Variants in MTMR7 observed in about 807,000 individuals in gnomAD.
MTMR7 encodes the protein phosphatidylinositol-3-phosphate phosphatase MTMR7.
Under a neutral mutation model 81.2 loss-of-function variants are expected in MTMR7, and 76 were observed. That is an observed-to-expected ratio of 0.94 (90% confidence interval 0.78 to 1.13). The LOEUF is 1.13. Among genes scored for constraint, MTMR7 ranks in the 50% most tolerant of loss-of-function variants. The pLI is 0.00. For missense variants in MTMR7, 1,044 were observed against 820.0 expected (o/e 1.27, Z -3.34); for synonymous variants, 372 against 289.8 (o/e 1.28, Z -2.88).
chr8:17,368,682 C>CT (rs1206074509), intron 3 of MTMR7, among the ~76,000 whole-genome samples: 5 of 152,174 alleles, frequency 3.3e-5, no homozygotes, highest in Non-Finnish European at 2.9e-5. Context: ...TTAGCAATGC[C>CT]TTTAACATTA....
intron 1 of MTMR7, among the ~76,000 whole-genome samples, chr8:17,387,512 T>G (rs942605386): frequency 1.3e-5 from 2 of 152,232 alleles, no homozygotes; most frequent in African/African-American, 4.8e-5. Flanking sequence ...TTATGTTGGT[T>G]GCAGAGAAAG....
intron 5 of MTMR7, among the ~76,000 whole-genome samples, chr8:17,345,776 T>C (rs1433520754): frequency 6.6e-6 from 1 of 152,234 alleles, no homozygotes; most frequent in Non-Finnish European, 1.5e-5. Context: ...CACTTCAAGC[T>C]TCTCCTAATC....
chr8:17,338,888 T>A (rs1479032711), intron 6 of MTMR7: 1 of 146,170 alleles, frequency 6.8e-6, no homozygotes, highest in Non-Finnish European at 1.5e-5. Context: ...TCATCTGGCA[T>A]CCGTGAGTAG....
In MTMR7 at chr8:17,336,424, T is replaced by C. The variant is rs576230982; in HGVS notation, c.732+4939A>G. On this transcript the variant is annotated intron_variant, in intron 6 of 13. Transcript: ENST00000180173. ...GGACACTGCCCTCGCCCCAGTTCTC[T>C]TCACTCTGGTTGCTGCCATGACGGC... 2.6e-5 allele frequency among the ~76,000 whole-genome samples: 4 copies of C among 152,182 alleles called. No individual in the cohort carries two copies. The East Asian group carries it at 7.8e-4, about 30-fold the overall frequency.
chr8:17,410,451 A>G (rs1008040058), intron 1 of MTMR7, among the ~76,000 whole-genome samples: 2 of 152,200 alleles, frequency 1.3e-5, no homozygotes, highest in African/African-American at 2.4e-5. Context: ...ATTATGCCTA[A>G]GCTTCCAGCA....
At chr8:17,384,433 T>A (rs979474459) in intron 1 of MTMR7, among the ~76,000 whole-genome samples, 2 of 152,054 alleles carry the variant, frequency 1.3e-5, no homozygotes, top group African/African-American at 2.4e-5. Flanking sequence ...AAATAAATAA[T>A]TATTAACAAA....
At chr8:17,406,314 C>T (rs1821580762) in intron 1 of MTMR7, among the ~76,000 whole-genome samples, 1 of 152,018 alleles carries the variant, frequency 6.6e-6, no homozygotes, top group East Asian at 1.9e-4. Context: ...AAAAATAACT[C>T]AAGAAAGAAA....
intron 7 of MTMR7, among the ~76,000 whole-genome samples, chr8:17,320,374 A>G (rs926476243): frequency 2.0e-5 from 3 of 152,114 alleles, no homozygotes; most frequent in Admixed American, 1.3e-4. Context: ...ATGATGCATG[A>G]TAGCAAGACG....
chr8:17,356,281 G>A (rs1310957311), intron 4 of MTMR7, among the ~76,000 whole-genome samples: 3 of 152,088 alleles, frequency 2.0e-5, no homozygotes, highest in African/African-American at 7.2e-5. Context: ...TACGGATAGA[G>A]CAAAAATTAT....
rs150298599 is a variant in MTMR7, at chr8:17,313,386, G to T, written c.881C>A (p.Ser294Tyr). Reference protein sequence around the residue: ...QKMLEVCELKSPSMSDFLWGL... With the variant: ...QKMLEVCELKYPSMSDFLWGL... ...CCACAGGAAATCACTCATGGAGGGA[G>T]ATTTAAGTTCACACACTGCAAGATA... The change falls in exon 8 of 14, where the codon TCT (serine) becomes TAT (tyrosine). Residue 294 changes from serine to tyrosine, a missense_variant. Coordinates refer to ENST00000180173, the MANE Select transcript of MTMR7 (RefSeq NM_004686.5). 1.2e-6 allele frequency: 2 copies of T among 1,610,626 alleles called. No individual in the cohort carries two copies. Among genetic ancestry groups the T allele is most frequent in the African/African-American group, 2.7e-5 (2 of 74,904 alleles).
intron 1 of MTMR7, among the ~76,000 whole-genome samples, chr8:17,395,105 CTT>C (rs1821210671): frequency 6.6e-6 from 1 of 152,094 alleles, no homozygotes. Context: ...TTCCTCATAA[CTT>C]TTATTTTACT....
At chr8:17,410,606 A>G (rs1432666833) in intron 1 of MTMR7, among the ~76,000 whole-genome samples, 1 of 152,170 alleles carries the variant, frequency 6.6e-6, no homozygotes, top group African/African-American at 2.4e-5. Flanking sequence ...CCTCTAGAGG[A>G]ACCATTCTGG....
At chr8:17,307,829 C>G (rs958708949) in intron 10 of MTMR7, among the ~76,000 whole-genome samples, 2 of 149,332 alleles carry the variant, frequency 1.3e-5, no homozygotes, top group Admixed American at 1.4e-4. Flanking sequence ...TAGGTGGGAA[C>G]TGAACAATGA....
At chr8:17,413,156 T>A in intron 1 of MTMR7, 113 bp downstream of exon 1, 1 of 1,271,630 alleles carries the variant, frequency 7.9e-7, no homozygotes, top group Non-Finnish European at 1.1e-6. Context: ...TCGCCCGCGG[T>A]CCAGGCTCCG....
In MTMR7 at chr8:17,371,025, C is replaced by A; in HGVS notation, c.310+12G>T. 1 of 1,605,706 alleles carries A rather than the reference C, an allele frequency of 6.2e-7. No individual in the cohort carries two copies. The highest frequency in any genetic ancestry group is 1.1e-5 in the South Asian group (1 of 89,358). ...GAGGTTCCATATTAAATGCCGAGTT[C>A]CTCTGCCCTACCTGGCCTTGCAAGG... On this transcript the variant is annotated intron_variant, in intron 3 of 13. Transcript: ENST00000180173.
At chr8:17,386,739 C>T (rs2898461) in intron 1 of MTMR7, among the ~76,000 whole-genome samples, 90,937 of 152,084 alleles carry the variant, frequency 0.6, 27,543 homozygotes, top group Admixed American at 0.68. Flanking sequence ...CCAAGTATCA[C>T]TGCATCTCAC....
At position 17,299,010 on chromosome 8, in the gene MTMR7, T is replaced by TAA. The variant is rs1374454324; in HGVS notation, c.*850_*851dup. On this transcript the variant is annotated 3_prime_UTR_variant, in exon 14 of 14. Transcript: ENST00000180173. ...TTTCACTCACAGATGTTTTATCTAC[T>TAA]AACTTTATAATGTGATACTTTGAGA... 2 of 152,206 alleles carry TAA rather than the reference T, an allele frequency of 1.3e-5. No individual in the cohort carries two copies. The highest frequency in any genetic ancestry group is 2.9e-5 in the Non-Finnish European group (2 of 68,024). The allele number at this position is 152,206 out of a possible 1,614,324, so 9.4% of individuals were successfully genotyped here.
chr8:17,302,266 A>T lies in MTMR7; in HGVS notation c.1508T>A (p.Met503Lys), dbSNP rs988583883. The T allele has an allele frequency of 1.6e-5, 26 of 1,613,144 alleles. No homozygotes were observed. The highest frequency in any genetic ancestry group is 2.2e-5 in the Non-Finnish European group (26 of 1,179,666). The change falls in exon 13 of 14, where the codon ATG (methionine) becomes AAG (lysine). Residue 503 changes from methionine (M) to lysine (K), a missense_variant. Physicochemically the swap from Met to Lys is moderately conservative, Grantham distance 95 (BLOSUM62 -1). Transcript: ENST00000180173. ...CNFMYKFWSG[M>K]YNRFEKGMQP... is the part of the protein sequence containing the mutation. ...CATCCCCTTTTCAAAGCGGTTATACATTCCACTCCAAAACCTGGAAAGGAT... is the reference window on the plus strand; with the variant it reads ...CATCCCCTTTTCAAAGCGGTTATACTTTCCACTCCAAAACCTGGAAAGGAT...
chr8:17,324,521 C>T lies in MTMR7; in HGVS notation c.865+6629G>A, dbSNP rs369337438. On this transcript the variant is annotated intron_variant, in intron 7 of 13. Coordinates refer to ENST00000180173, the MANE Select transcript of MTMR7 (RefSeq NM_004686.5). ...CTCTGCCTCTGCGCTTAGTGTTGGA[C>T]GGTCCAGATGGGCAGATCCCATCCA... is the stretch of plus-strand genomic sequence containing the variant. 7.9e-5 allele frequency among the ~76,000 whole-genome samples: 12 copies of T among 152,326 alleles called. 1 individual carries two copies. In the East Asian group the frequency reaches 1.3e-3, roughly 17 times the overall value.
Sources: allele counts gnomAD v4.1 joint callset (sites outside exome capture counted in the v4.1 genomes callset), GRCh38; gene constraint gnomAD v4.1.1; transcripts MANE v1.5; gene names NCBI Gene and HGNC (gene_info 2026-07-23, HGNC 2026-07-21).